The following UNC5D variants were observed in gnomAD, a reference collection of about 807,000 sequenced individuals.
UNC5D encodes the protein unc-5 netrin receptor D.
In UNC5D, 39 loss-of-function variants were observed where a neutral mutation model predicts 105.4. The ratio of observed to expected loss-of-function variants is 0.37; its 90% confidence interval spans 0.29 to 0.48. The LOEUF (loss-of-function observed/expected upper bound fraction) is 0.48, where lower values mean the gene tolerates loss of function less well. Among genes scored for constraint, UNC5D ranks in the 20% least tolerant of loss-of-function variants. The probability of loss-of-function intolerance (pLI) is 0.98; values close to 1 mark genes in which losing one functional copy is unlikely to be tolerated. For missense variants in UNC5D, 991 were observed against 1,202.4 expected (o/e 0.82, Z 2.60); for synonymous variants, 452 against 450.4 (o/e 1.00, Z -0.04).
intron 3 of UNC5D, among the ~76,000 whole-genome samples, chr8:35,572,830 GTC>G (rs1374541522): frequency 2.1e-5 from 3 of 146,122 alleles, no homozygotes; most frequent in South Asian, 2.2e-4. Flanking sequence ...TTGAGATGGA[GTC>G]TCTCTCTGTC....
At chr8:35,438,649 T>A (rs1379872902) in intron 1 of UNC5D, among the ~76,000 whole-genome samples, 1 of 151,906 alleles carries the variant, frequency 6.6e-6, no homozygotes, top group Non-Finnish European at 1.5e-5. Context: ...CTATCTTTAG[T>A]GGGAGATTTA....
rs1471769812 is a variant in UNC5D, at chr8:35,792,052, A to G, written c.*1489A>G. ...AGGACAACCAAAGTCAAGGACCCAGATGAACCACAAGGCAGCTAGTCAGCT... is the reference window on the plus strand; with the variant it reads ...AGGACAACCAAAGTCAAGGACCCAGGTGAACCACAAGGCAGCTAGTCAGCT... On this transcript the variant is annotated 3_prime_UTR_variant, in exon 17 of 17. Transcript: ENST00000404895. 1.3e-5 allele frequency: 2 copies of G among 152,166 alleles called. No homozygotes were observed. The highest frequency in any genetic ancestry group is 4.1e-4 in the South Asian group (2 of 4,826). The allele number at this position is 152,166 out of a possible 1,614,324, so 9.4% of individuals were successfully genotyped here.
At chr8:35,487,978 A>G (rs1810943325) in intron 1 of UNC5D, among the ~76,000 whole-genome samples, 1 of 152,232 alleles carries the variant, frequency 6.6e-6, no homozygotes, top group Non-Finnish European at 1.5e-5. Context: ...GATGTCCAAG[A>G]AAAGTATTTA....
In UNC5D at chr8:35,305,641, CTTCT is replaced by C. The variant is rs1430735361; in HGVS notation, c.103+69765_103+69768del. ...TCTTTCTTTTTCTTTCTCTCTCTCT[CTTCT>C]TTCTTTCTTTTCTTTCTCTTTTTCT... On this transcript the variant is annotated intron_variant, in intron 1 of 16. Coordinates refer to ENST00000404895, the MANE Select transcript of UNC5D (RefSeq NM_080872.4). Among the ~76,000 whole-genome samples the C allele has an allele frequency of 5.0e-3, 412 of 83,148 alleles. 5 individuals are homozygous for C. The highest frequency in any genetic ancestry group is 0.023 in the African/African-American group (400 of 17,338). The allele number at this position is 83,148 out of a possible 152,430, so 54.5% of individuals were successfully genotyped here.
intron 2 of UNC5D, among the ~76,000 whole-genome samples, chr8:35,558,205 G>A (rs58616036): frequency 4.6e-5 from 7 of 151,080 alleles, no homozygotes; most frequent in African/African-American, 1.7e-4. Context: ...TTTGCTTGTC[G>A]ATGTATCCTC....
chr8:35,444,883 G>A (rs565555498), intron 1 of UNC5D, among the ~76,000 whole-genome samples: 12 of 152,094 alleles, frequency 7.9e-5, no homozygotes, highest in Admixed American at 2.0e-4. Context: ...TTAAAAGGTG[G>A]AAGCCACAGA....
intron 11 of UNC5D, among the ~76,000 whole-genome samples, chr8:35,732,970 G>A (rs1365358995): frequency 6.6e-6 from 1 of 152,058 alleles, no homozygotes; most frequent in Non-Finnish European, 1.5e-5. Flanking sequence ...TAAGCTCTAT[G>A]GTAACCAATT....
chr8:35,631,246 G>A (rs1420823836), intron 4 of UNC5D, among the ~76,000 whole-genome samples: 3 of 151,944 alleles, frequency 2.0e-5, no homozygotes, highest in Non-Finnish European at 4.4e-5. Flanking sequence ...CCCAGGAGGC[G>A]GAGGTTTCAG....
chr8:35,479,577 G>T (rs1563457821), intron 1 of UNC5D, among the ~76,000 whole-genome samples: 2 of 151,586 alleles, frequency 1.3e-5, no homozygotes, highest in African/African-American at 2.4e-5. Context: ...AGAAAATGTG[G>T]TGCATATACA....
intron 7 of UNC5D, among the ~76,000 whole-genome samples, chr8:35,694,986 G>A (rs143718765): frequency 3.3e-5 from 5 of 152,246 alleles, no homozygotes; most frequent in African/African-American, 1.2e-4. Flanking sequence ...TCATTAACAC[G>A]TTTCCTAATA....
chr8:35,290,505 A>C (rs1199143615), intron 1 of UNC5D, among the ~76,000 whole-genome samples: 1 of 152,140 alleles, frequency 6.6e-6, no homozygotes, highest in African/African-American at 2.4e-5. Context: ...GGAGGGAATG[A>C]GAAGTTGTTA....
intron 4 of UNC5D, among the ~76,000 whole-genome samples, chr8:35,634,820 G>A (rs1005261605): frequency 4.7e-5 from 7 of 150,520 alleles, no homozygotes; most frequent in African/African-American, 1.7e-4. Flanking sequence ...GGGCTGGAGT[G>A]CAATGGCAGG....
intron 1 of UNC5D, among the ~76,000 whole-genome samples, chr8:35,369,076 T>A (rs1802288427): frequency 6.6e-6 from 1 of 152,250 alleles, no homozygotes; most frequent in Admixed American, 6.5e-5. Flanking sequence ...TATATAACTG[T>A]ATGTATTATA....
intron 2 of UNC5D, among the ~76,000 whole-genome samples, chr8:35,555,266 T>G (rs895612408): frequency 6.6e-6 from 1 of 152,210 alleles, no homozygotes; most frequent in Non-Finnish European, 1.5e-5. Context: ...TGACATATTC[T>G]TAAAAGGTTT....
intron 1 of UNC5D, among the ~76,000 whole-genome samples, chr8:35,534,249 T>C (rs1020375330): frequency 1.3e-5 from 2 of 152,210 alleles, no homozygotes; most frequent in African/African-American, 4.8e-5. Context: ...CAACTCGTAA[T>C]GCTGTTTGTC....
chr8:35,410,234 C>A (rs1320285992), intron 1 of UNC5D, among the ~76,000 whole-genome samples: 1 of 151,894 alleles, frequency 6.6e-6, no homozygotes, highest in African/African-American at 2.4e-5. Flanking sequence ...AAAGATACTA[C>A]TAATTTTGCT....
chr8:35,721,017 T>G (rs1828553895), intron 8 of UNC5D, among the ~76,000 whole-genome samples: 1 of 152,202 alleles, frequency 6.6e-6, no homozygotes, highest in Non-Finnish European at 1.5e-5. Context: ...TTAGTATTAC[T>G]CATTTGATAA....
In UNC5D at chr8:35,389,586, C is replaced by T. The variant is rs549751680; in HGVS notation, c.103+153699C>T. On this transcript the variant is annotated intron_variant, in intron 1 of 16. Coordinates refer to ENST00000404895, the MANE Select transcript of UNC5D (RefSeq NM_080872.4). ...CTCTTTTATAAAAAACAAGAAAGAA[C>T]ATTATGACTTGCTAAATAACTTGCC... Among the ~76,000 whole-genome samples the T allele has an allele frequency of 9.2e-5, 14 of 152,176 alleles. No individual in the cohort carries two copies. In the South Asian group the frequency reaches 2.9e-3, roughly 32 times the overall value.
chr8:35,522,606 T>G (rs1199501169), intron 1 of UNC5D, among the ~76,000 whole-genome samples: 1 of 152,226 alleles, frequency 6.6e-6, no homozygotes, highest in Non-Finnish European at 1.5e-5. Context: ...CCATGCTTTA[T>G]GGTAGAAAGA....
Sources: gnomAD v4.1 joint callset for allele counts (sites outside exome capture counted in the v4.1 genomes callset) on GRCh38, gnomAD v4.1.1 for gene constraint, MANE v1.5 for transcripts, NCBI Gene and HGNC (gene_info 2026-07-23, HGNC 2026-07-21) for gene names.